COX7B2: variants seen among roughly 807,000 people sequenced by gnomAD.
COX7B2 encodes the protein cytochrome c oxidase subunit 7B2, mitochondrial.
For synonymous variants in COX7B2, 37 were observed against 32.1 expected, an observed-to-expected ratio of 1.15 and a Z score of -0.51; for missense variants, 109 against 95.9, an observed-to-expected ratio of 1.14 and a Z score of -0.57.
In COX7B2 at chr4:46,893,801, C is replaced by A. The variant is rs182629130; in HGVS notation, c.-105+15359G>T. On this transcript the variant is annotated intron_variant, in intron 1 of 2. Transcript: ENST00000355591. ...TACAGACAATGATATAAAATGTTGTCACATAAAATAATCAAAGAGTATATA... is the reference window on the plus strand; with the variant it reads ...TACAGACAATGATATAAAATGTTGTAACATAAAATAATCAAAGAGTATATA... Among the ~76,000 whole-genome samples the A allele has an allele frequency of 2.1e-4, 32 of 152,062 alleles. No homozygotes were observed. In the East Asian group the frequency reaches 6.0e-3, roughly 28 times the overall value.
chr4:46,791,507 C>T (rs758655863), intron 2 of COX7B2, among the ~76,000 whole-genome samples: 13 of 152,184 alleles, frequency 8.5e-5, no homozygotes, highest in Non-Finnish European at 1.6e-4. Context: ...AGAGCTTCTT[C>T]TGGGCTGCTT....
intron 1 of COX7B2, among the ~76,000 whole-genome samples, chr4:46,907,849 T>TTC (rs1720499912): frequency 1.7e-5 from 1 of 60,050 alleles, no homozygotes; most frequent in Admixed American, 1.8e-4. Flanking sequence ...TTGAGCAGAC[T>TTC]TTTTTTTTTT....
intron 1 of COX7B2, among the ~76,000 whole-genome samples, chr4:46,902,718 A>G (rs1395777648): frequency 1.3e-5 from 2 of 152,146 alleles, no homozygotes; most frequent in Admixed American, 6.5e-5. Flanking sequence ...CTCTACTAAA[A>G]ATACAAAAAT....
intron 2 of COX7B2, among the ~76,000 whole-genome samples, chr4:46,774,779 C>G (rs1717065178): frequency 6.6e-6 from 1 of 151,944 alleles, no homozygotes; most frequent in South Asian, 2.1e-4. Context: ...ATAATAAGCA[C>G]TCTTGGAATG....
intron 2 of COX7B2, among the ~76,000 whole-genome samples, chr4:46,830,770 C>A (rs944722713): frequency 1.3e-5 from 2 of 152,214 alleles, no homozygotes; most frequent in African/African-American, 4.8e-5. Flanking sequence ...AGTTTAGGAA[C>A]CTTGGCTGAA....
intron 1 of COX7B2, among the ~76,000 whole-genome samples, chr4:46,885,366 T>A (rs978316200): frequency 6.6e-6 from 1 of 152,140 alleles, no homozygotes; most frequent in African/African-American, 2.4e-5. Context: ...ATATAAAAAA[T>A]TTTGAAACAT....
intron 1 of COX7B2, among the ~76,000 whole-genome samples, chr4:46,886,476 C>T (rs895006331): frequency 3.9e-5 from 6 of 152,072 alleles, no homozygotes; most frequent in Non-Finnish European, 7.4e-5. Flanking sequence ...ATTGTACTAT[C>T]GAATACAAGA....
At chr4:46,893,584 G>A (rs1006988638) in intron 1 of COX7B2, among the ~76,000 whole-genome samples, 7 of 152,066 alleles carry the variant, frequency 4.6e-5, no homozygotes, top group African/African-American at 1.7e-4. Flanking sequence ...ATCAATGAGG[G>A]AATACAAGGA....
At chr4:46,824,654 T>TAAAAAAAA (rs34090448) in intron 2 of COX7B2, among the ~76,000 whole-genome samples, 1 of 130,314 alleles carries the variant, frequency 7.7e-6, no homozygotes. Flanking sequence ...ACTGTTTGTG[T>TAAAAAAAA]AAAAAAAAAA....
chr4:46,842,630 C>T (rs1656238689), intron 2 of COX7B2, among the ~76,000 whole-genome samples: 1 of 151,864 alleles, frequency 6.6e-6, no homozygotes, highest in South Asian at 2.1e-4. Flanking sequence ...CAATTCCCAC[C>T]TATGAGTGAG....
intron 2 of COX7B2, among the ~76,000 whole-genome samples, chr4:46,825,168 C>G (rs1714598345): frequency 6.6e-6 from 1 of 152,000 alleles, no homozygotes; most frequent in Non-Finnish European, 1.5e-5. Flanking sequence ...CAGCTGATAA[C>G]CAACTTCAGC....
At chr4:46,811,040 TGTGGCTTGATG>T (rs1222897684) in intron 2 of COX7B2, among the ~76,000 whole-genome samples, 2 of 152,198 alleles carry the variant, frequency 1.3e-5, no homozygotes, top group Non-Finnish European at 2.9e-5. Context: ...TTCTCCTATA[TGTGGCTTGATG>T]GTTTTTCTCT....
intron 2 of COX7B2, among the ~76,000 whole-genome samples, chr4:46,762,703 T>C (rs943514462): frequency 6.7e-6 from 1 of 148,490 alleles, no homozygotes; most frequent in Non-Finnish European, 1.5e-5. Flanking sequence ...GCGTATTCCA[T>C]TGTCACCTGG....
At chr4:46,888,522 C>T (rs947172422) in intron 1 of COX7B2, among the ~76,000 whole-genome samples, 7 of 151,756 alleles carry the variant, frequency 4.6e-5, no homozygotes, top group African/African-American at 1.7e-4. Context: ...AGGCTCACTG[C>T]AAGCTCCACC....
intron 2 of COX7B2, among the ~76,000 whole-genome samples, chr4:46,751,963 T>C (rs1366275681): frequency 1.3e-5 from 2 of 152,138 alleles, no homozygotes; most frequent in African/African-American, 4.8e-5. Context: ...AAAAAGTAAT[T>C]CGTAGCTTGA....
intron 2 of COX7B2, among the ~76,000 whole-genome samples, chr4:46,742,389 T>C (rs1310392920): frequency 6.6e-6 from 1 of 152,140 alleles, no homozygotes; most frequent in East Asian, 1.9e-4. Context: ...CTTCAATTCA[T>C]TTATGTATTT....
intron 1 of COX7B2, among the ~76,000 whole-genome samples, chr4:46,883,189 G>A (rs972337073): frequency 3.9e-5 from 6 of 152,142 alleles, no homozygotes; most frequent in Admixed American, 1.3e-4. Flanking sequence ...TAGATTAAAT[G>A]TTTTAATTCT....
At chr4:46,812,195 G>A (rs144195148) in intron 2 of COX7B2, among the ~76,000 whole-genome samples, 30 of 152,136 alleles carry the variant, frequency 2.0e-4, no homozygotes, top group Admixed American at 4.6e-4. Flanking sequence ...TCAAAATACC[G>A]TAGTTCCCAG....
chr4:46,817,034 A>G (rs1259977951), intron 2 of COX7B2, among the ~76,000 whole-genome samples: 2 of 152,216 alleles, frequency 1.3e-5, no homozygotes, highest in Non-Finnish European at 2.9e-5. Flanking sequence ...CTCATGCTAC[A>G]GAGTGGGAAA....
Sources: allele counts gnomAD v4.1 joint callset (sites outside exome capture counted in the v4.1 genomes callset), GRCh38; gene constraint gnomAD v4.1.1; transcripts MANE v1.5; gene names NCBI Gene and HGNC (gene_info 2026-07-23, HGNC 2026-07-21).